The following HSD17B12 variants were observed in gnomAD, a reference collection of about 807,000 sequenced individuals.
HSD17B12 encodes the protein hydroxysteroid 17-beta dehydrogenase 12.
HSD17B12 carries 32 observed loss-of-function variants against 39.3 expected under a neutral mutation model. That is an observed-to-expected ratio of 0.81 (90% CI 0.61 to 1.09). The LOEUF is 1.09. Ranked by LOEUF, HSD17B12 falls within the 50% of genes least tolerant of loss-of-function variation. The pLI, the probability that HSD17B12 is intolerant of heterozygous loss-of-function variation, is 0.00. For synonymous variants in HSD17B12, 150 were observed against 146.7 expected (o/e 1.02, Z -0.16); for missense variants, 342 against 382.9 (o/e 0.89, Z 0.89).
chr11:43,811,468 C>T (rs950594862), intron 4 of HSD17B12, among the ~76,000 whole-genome samples: 1 of 152,118 alleles, frequency 6.6e-6, no homozygotes, highest in Non-Finnish European at 1.5e-5. Flanking sequence ...AGCCTTATTC[C>T]AGCTTTAACA....
chr11:43,719,624 A>AT (rs1565062555), intron 1 of HSD17B12, among the ~76,000 whole-genome samples: 5 of 126,646 alleles, frequency 3.9e-5, no homozygotes, highest in African/African-American at 1.4e-4. Context: ...TCAAAAAAAA[A>AT]AAAATATATA....
At chr11:43,819,921 G>A (rs561508261) in intron 6 of HSD17B12, among the ~76,000 whole-genome samples, 93 of 152,116 alleles carry the variant, frequency 6.1e-4, no homozygotes, top group Non-Finnish European at 9.0e-4. Flanking sequence ...CCTTTGTGAT[G>A]TGTACTTCTA....
the HSD17B12 span, among the ~76,000 whole-genome samples, chr11:43,612,817 G>C: frequency 6.6e-6 from 1 of 152,194 alleles, no homozygotes; most frequent in African/African-American, 2.4e-5. Context: ...GGCTACTTTA[G>C]ATAGGGTGGT....
chr11:43,854,766 A>G lies in HSD17B12; in HGVS notation c.736A>G (p.Thr246Ala), dbSNP rs1360791793. ...AAAACTGGCTAAAATCCGGAAGCCA[A>G]CTTTGGATAAGCCCTCTCCGGAGAC... is the stretch of plus-strand genomic sequence containing the variant. ...ATKLAKIRKP[T>A]LDKPSPETFV... The change falls in exon 10 of 11, where the codon ACT becomes GCT. Residue 246 changes from threonine (T) to alanine (A), a missense_variant. Coordinates refer to ENST00000278353, the MANE Select transcript of HSD17B12 (RefSeq NM_016142.3). 6.2e-7 allele frequency: 1 copy of G among 1,614,200 alleles called. No homozygotes were observed. Among genetic ancestry groups the G allele is most frequent in the South Asian group, 1.1e-5 (1 of 91,086 alleles).
the HSD17B12 span, among the ~76,000 whole-genome samples, chr11:43,629,559 T>G: frequency 6.6e-6 from 1 of 152,212 alleles, no homozygotes; most frequent in Non-Finnish European, 1.5e-5. Flanking sequence ...AATCCCACTA[T>G]GGTCCCATTC....
chr11:43,807,818 AAAG>A (rs781356010), intron 4 of HSD17B12, among the ~76,000 whole-genome samples: 6 of 152,190 alleles, frequency 3.9e-5, no homozygotes, highest in African/African-American at 7.2e-5. Context: ...GGTCTTGAGT[AAAG>A]AAGAAGAAGA....
At chr11:43,572,698 C>T in the HSD17B12 span, among the ~76,000 whole-genome samples, 2 of 152,100 alleles carry the variant, frequency 1.3e-5, no homozygotes, top group African/African-American at 4.8e-5. Flanking sequence ...TAGAGAATTG[C>T]CTTAAGGATT....
upstream of HSD17B12, among the ~76,000 whole-genome samples, chr11:43,679,168 T>C (rs1221251113): frequency 6.6e-6 from 1 of 152,242 alleles, no homozygotes; most frequent in Non-Finnish European, 1.5e-5. Context: ...GTAAGTTGGA[T>C]TCCTAGGTAT....
At chr11:43,841,161 G>T (rs936323769) in intron 9 of HSD17B12, among the ~76,000 whole-genome samples, 1 of 152,116 alleles carries the variant, frequency 6.6e-6, no homozygotes, top group African/African-American at 2.4e-5. Flanking sequence ...AGTTTATTTG[G>T]TCATTTGCCT....
At chr11:43,784,277 A>G (rs1304020772) in intron 3 of HSD17B12, among the ~76,000 whole-genome samples, 1 of 150,688 alleles carries the variant, frequency 6.6e-6, no homozygotes, top group Non-Finnish European at 1.5e-5. Flanking sequence ...TACAGATAAC[A>G]CAAGTAGTTT....
chr11:43,667,297 G>A, the HSD17B12 span, among the ~76,000 whole-genome samples: 7 of 152,014 alleles, frequency 4.6e-5, no homozygotes, highest in African/African-American at 1.4e-4. Context: ...GATTACAGGC[G>A]TGTGCCACCA....
chr11:43,581,603 C>T, the HSD17B12 span: 2 of 381,494 alleles, frequency 5.2e-6, no homozygotes, highest in Admixed American at 2.8e-5. This position sits in a 1 kb window ranked among gnomAD's most constrained non-coding sequence, Gnocchi z 4.9. Flanking sequence ...CGGCCCTTTC[C>T]CCCGTCCTTT....
At chr11:43,722,312 T>C (rs1950183151) in intron 1 of HSD17B12, among the ~76,000 whole-genome samples, 1 of 152,216 alleles carries the variant, frequency 6.6e-6, no homozygotes, top group Non-Finnish European at 1.5e-5. Flanking sequence ...TTCCTCTTCA[T>C]TAGAAGACTT....
At chr11:43,699,244 A>T (rs1949940470) in intron 1 of HSD17B12, among the ~76,000 whole-genome samples, 2 of 152,092 alleles carry the variant, frequency 1.3e-5, no homozygotes, top group Admixed American at 6.5e-5. Context: ...GTCATTTCTC[A>T]CTCAATACCC....
At chr11:43,657,114 C>G in the HSD17B12 span, among the ~76,000 whole-genome samples, 135,429 of 152,200 alleles carry the variant, frequency 0.89, 61,631 homozygotes, top group Non-Finnish European at 0.98. Context: ...ATTTAGGATA[C>G]TTAGTTCTTC....
chr11:43,800,954 C>A (rs1950961187), intron 4 of HSD17B12, among the ~76,000 whole-genome samples: 1 of 152,118 alleles, frequency 6.6e-6, no homozygotes, highest in Admixed American at 6.5e-5. Flanking sequence ...GCCTGGCTAA[C>A]ATGACGAAAC....
intron 3 of HSD17B12, among the ~76,000 whole-genome samples, chr11:43,797,413 G>A (rs911488095): frequency 6.6e-6 from 1 of 152,190 alleles, no homozygotes; most frequent in Non-Finnish European, 1.5e-5. Flanking sequence ...ACTGCCGTCT[G>A]CGTACCATAG....
chr11:43,824,263 GGTTCTTCT>G (rs1565102308), intron 6 of HSD17B12, among the ~76,000 whole-genome samples: 1 of 152,054 alleles, frequency 6.6e-6, no homozygotes. Context: ...CTTGAGTTTG[GGTTCTTCT>G]GTTCCAGGTG....
chr11:43,618,277 A>T, the HSD17B12 span, among the ~76,000 whole-genome samples: 2 of 152,190 alleles, frequency 1.3e-5, no homozygotes, highest in African/African-American at 4.8e-5. Flanking sequence ...TGTTTTACTC[A>T]TGAAAGATAC....
Sources: allele counts gnomAD v4.1 joint callset (sites outside exome capture counted in the v4.1 genomes callset), GRCh38; gene constraint gnomAD v4.1.1; non-coding constraint Gnocchi (gnomAD v3.1); transcripts MANE v1.5; gene names NCBI Gene and HGNC (gene_info 2026-07-23, HGNC 2026-07-21).